The following NELL1 variants were observed in gnomAD, a reference collection of about 807,000 sequenced individuals.
NELL1 encodes the protein neural EGFL like 1, also known as protein kinase C-binding protein NELL1.
Under a neutral mutation model 107.4 loss-of-function variants are expected in NELL1, and 76 were observed. The observed-to-expected ratio is 0.71, with a 90% CI of 0.59 to 0.86. NELL1 has a LOEUF of 0.86. Among genes scored for constraint, NELL1 ranks in the 40% least tolerant of loss-of-function variants. The probability of loss-of-function intolerance (pLI) is 0.00; values close to 1 mark genes in which losing one functional copy is unlikely to be tolerated. For synonymous variants in NELL1, 353 were observed against 341.2 expected, an observed-to-expected ratio of 1.03 and a Z score of -0.38; for missense variants, 1,024 against 1,005.5, an observed-to-expected ratio of 1.02 and a Z score of -0.25.
At chr11:21,176,098 T>A (rs1278436854) in intron 13 of NELL1, among the ~76,000 whole-genome samples, 1 of 151,874 alleles carries the variant, frequency 6.6e-6, no homozygotes. Context: ...ACTCTGGATT[T>A]CTTCATCTTC....
At chr11:20,705,846 G>T (rs932636648) in intron 2 of NELL1, among the ~76,000 whole-genome samples, 5 of 151,918 alleles carry the variant, frequency 3.3e-5, no homozygotes, top group Non-Finnish European at 7.4e-5. Flanking sequence ...CCATCAAAAA[G>T]TGGGCAAAGT....
At chr11:21,422,146 C>A (rs922027140) in intron 15 of NELL1, among the ~76,000 whole-genome samples, 2 of 150,924 alleles carry the variant, frequency 1.3e-5, no homozygotes, top group East Asian at 3.9e-4. Flanking sequence ...TGTATGTACA[C>A]GTGCAAGAGA....
chr11:20,880,450 A>G (rs1353682486), intron 4 of NELL1, among the ~76,000 whole-genome samples: 2 of 152,248 alleles, frequency 1.3e-5, no homozygotes, highest in Non-Finnish European at 2.9e-5. Context: ...GTTTTAAATG[A>G]GGAAATTGAA....
At chr11:21,287,146 T>C (rs1189776484) in intron 14 of NELL1, among the ~76,000 whole-genome samples, 1 of 152,226 alleles carries the variant, frequency 6.6e-6, no homozygotes, top group Non-Finnish European at 1.5e-5. Flanking sequence ...GGCCAACTTT[T>C]AAATAGAAAA....
rs1854604769 is a variant in NELL1, at chr11:21,094,874, G to A, written c.1301-18715G>A. ...GCTGTGAAGACTTCTGACATGCCCT[G>A]GAGATATTCTCCCCATTGTCTTGGG... On this transcript the variant is annotated intron_variant, in intron 12 of 19. Transcript: ENST00000357134. Among the ~76,000 whole-genome samples the A allele has an allele frequency of 2.0e-5, 3 of 152,182 alleles. 1 individual carries two copies. The South Asian group carries it at 6.2e-4, about 32-fold the overall frequency.
intron 11 of NELL1, among the ~76,000 whole-genome samples, chr11:20,949,431 G>A (rs1851029637): frequency 1.3e-5 from 2 of 152,206 alleles, no homozygotes; most frequent in African/African-American, 2.4e-5. Context: ...TAAAGATTGA[G>A]TGGAATTTTC....
chr11:21,256,250 A>G (rs1401196485), intron 14 of NELL1, among the ~76,000 whole-genome samples: 1 of 152,054 alleles, frequency 6.6e-6, no homozygotes, highest in Non-Finnish European at 1.5e-5. Context: ...ATCTTTATAT[A>G]ATGTATATTT....
chr11:20,698,161 T>C (rs574816877), intron 2 of NELL1, among the ~76,000 whole-genome samples: 3 of 152,298 alleles, frequency 2.0e-5, no homozygotes, highest in African/African-American at 7.2e-5. Context: ...GTCTCCCAAA[T>C]AGAAGTGTTT....
chr11:21,474,200 A>G (rs183910756), intron 15 of NELL1, among the ~76,000 whole-genome samples: 1 of 152,142 alleles, frequency 6.6e-6, no homozygotes, highest in Admixed American at 6.6e-5. Flanking sequence ...TTTACTTAAA[A>G]TAACACCTTT....
At chr11:21,326,157 ATT>A (rs56685923) in intron 14 of NELL1, among the ~76,000 whole-genome samples, 58,272 of 131,290 alleles carry the variant, frequency 0.44, 12,289 homozygotes, top group Admixed American at 0.51. Flanking sequence ...CCATTTTGCT[ATT>A]TTTTTTTTTC....
chr11:20,696,238 A>G (rs1023264254), intron 2 of NELL1, among the ~76,000 whole-genome samples: 16 of 151,894 alleles, frequency 1.1e-4, no homozygotes, highest in Non-Finnish European at 1.8e-4. Context: ...TTTTGGTTTC[A>G]TTGATTCTTT....
chr11:20,705,196 CA>C (rs1854911716), intron 2 of NELL1, among the ~76,000 whole-genome samples: 1 of 152,172 alleles, frequency 6.6e-6, no homozygotes. Context: ...AAAGAGCCCA[CA>C]TTGCCAAGTC....
At chr11:21,512,243 T>C (rs941616625) in intron 15 of NELL1, among the ~76,000 whole-genome samples, 2 of 152,168 alleles carry the variant, frequency 1.3e-5, no homozygotes, top group African/African-American at 4.8e-5. Context: ...TCCTGTTTAA[T>C]GCTGGCCTTG....
Position 21,420,021 on chromosome 11 carries a change from A to G in NELL1, c.1645+49073A>G, listed in dbSNP as rs187259490. 4.3e-4 allele frequency among the ~76,000 whole-genome samples: 65 copies of G among 152,134 alleles called. 1 individual carries two copies. Among genetic ancestry groups the G allele is most frequent in the Non-Finnish European group, 7.8e-4 (53 of 67,986 alleles). ...TCTGTGTTCCCATATTACACTTGCC[A>G]TATTAATACAATACTTAGAGGTGCG... On this transcript the variant is annotated intron_variant, in intron 15 of 19. Transcript: ENST00000357134.
intron 13 of NELL1, among the ~76,000 whole-genome samples, chr11:21,213,063 C>G (rs1857536018): frequency 6.6e-6 from 1 of 152,108 alleles, no homozygotes. Flanking sequence ...ATACTAGTAA[C>G]TGATGTGTAG....
intron 12 of NELL1, among the ~76,000 whole-genome samples, chr11:21,112,082 T>C (rs1434954103): frequency 2.6e-5 from 4 of 152,102 alleles, no homozygotes; most frequent in Admixed American, 6.6e-5. Flanking sequence ...TGGTGGAAGT[T>C]GAGTTCCCCA....
chr11:21,342,520 T>C (rs1265866968), intron 14 of NELL1, among the ~76,000 whole-genome samples: 4 of 151,540 alleles, frequency 2.6e-5, no homozygotes, highest in African/African-American at 9.7e-5. Flanking sequence ...GGCATGTGCC[T>C]GTAGTTACAG....
chr11:21,439,025 G>A (rs752640237), intron 15 of NELL1, among the ~76,000 whole-genome samples: 5 of 151,586 alleles, frequency 3.3e-5, no homozygotes, highest in Non-Finnish European at 7.4e-5. Flanking sequence ...ATCCCATCAG[G>A]TAAAGCTTAG....
intron 4 of NELL1, among the ~76,000 whole-genome samples, chr11:20,866,346 C>T (rs914691689): frequency 6.6e-6 from 1 of 152,120 alleles, no homozygotes; most frequent in East Asian, 1.9e-4. Context: ...TCACCTTAGC[C>T]CACAGGTCCA....
Sources: allele counts gnomAD v4.1 joint callset (sites outside exome capture counted in the v4.1 genomes callset), GRCh38; gene constraint gnomAD v4.1.1; transcripts MANE v1.5; gene names NCBI Gene and HGNC (gene_info 2026-07-23, HGNC 2026-07-21).